The following AGBL4 variants were observed in gnomAD, a reference collection of about 807,000 sequenced individuals.
AGBL4 encodes cytosolic carboxypeptidase 6.
Under a neutral mutation model 66.4 loss-of-function variants are expected in AGBL4, and 58 were observed. The ratio of observed to expected loss-of-function variants is 0.87; its 90% CI spans 0.71 to 1.09. The LOEUF (loss-of-function observed/expected upper bound fraction) is 1.09. AGBL4 is among the 50% of genes least tolerant of loss of function. The pLI, the probability that AGBL4 is intolerant of heterozygous loss-of-function variation, is 0.00. For synonymous variants in AGBL4, 234 were observed against 222.9 expected, an observed-to-expected ratio of 1.05 and a Z score of -0.44; for missense variants, 579 against 631.0, an observed-to-expected ratio of 0.92 and a Z score of 0.88.
chr1:49,302,600 A>G (rs968047448), intron 3 of AGBL4, among the ~76,000 whole-genome samples: 1 of 126,206 alleles, frequency 7.9e-6, no homozygotes, highest in Non-Finnish European at 1.8e-5. Flanking sequence ...TTTATATTTT[A>G]TTTTATTTTT....
chr1:48,739,343 C>T (rs1649557411), intron 6 of AGBL4, among the ~76,000 whole-genome samples: 1 of 152,226 alleles, frequency 6.6e-6, no homozygotes, highest in African/African-American at 2.4e-5. Context: ...GGTAAATCCT[C>T]TGGAATTTTG....
At chr1:49,968,809 G>A (rs1280636886) in intron 1 of AGBL4, among the ~76,000 whole-genome samples, 1 of 152,168 alleles carries the variant, frequency 6.6e-6, no homozygotes, top group Non-Finnish European at 1.5e-5. Flanking sequence ...TGGCATGAAG[G>A]CCAGCATAGC....
intron 4 of AGBL4, among the ~76,000 whole-genome samples, chr1:49,137,279 A>G (rs1009944941): frequency 6.6e-6 from 1 of 152,160 alleles, no homozygotes; most frequent in Non-Finnish European, 1.5e-5. Flanking sequence ...TTAACATGAC[A>G]CAAAACCATT....
At chr1:49,944,818 A>C (rs969629202) in intron 1 of AGBL4, among the ~76,000 whole-genome samples, 2 of 152,068 alleles carry the variant, frequency 1.3e-5, no homozygotes, top group Non-Finnish European at 2.9e-5. Context: ...AAACAATCAT[A>C]CAAGAAATGA....
At chr1:49,060,174 A>G (rs1322909815) in intron 4 of AGBL4, among the ~76,000 whole-genome samples, 1 of 152,028 alleles carries the variant, frequency 6.6e-6, no homozygotes, top group Non-Finnish European at 1.5e-5. Flanking sequence ...TGTGCAAGGG[A>G]CCCTGTGGTA....
At chr1:49,361,043 C>A (rs1557869358) in intron 3 of AGBL4, among the ~76,000 whole-genome samples, 1 of 152,074 alleles carries the variant, frequency 6.6e-6, no homozygotes, top group Admixed American at 6.5e-5. Flanking sequence ...GGTGATCTGC[C>A]CACCTCAGCC....
At chr1:49,404,313 G>A (rs1051235581) in intron 3 of AGBL4, among the ~76,000 whole-genome samples, 1 of 152,192 alleles carries the variant, frequency 6.6e-6, no homozygotes, top group Admixed American at 6.5e-5. Context: ...AAGACCACAT[G>A]AGAACATAGG....
intron 1 of AGBL4, among the ~76,000 whole-genome samples, chr1:49,943,393 A>G (rs1654939431): frequency 1.3e-5 from 2 of 152,236 alleles, no homozygotes; most frequent in East Asian, 1.9e-4. Context: ...AAGAGAACCC[A>G]CCAACCCTCT....
At chr1:49,755,028 C>G (rs1483116329) in intron 2 of AGBL4, among the ~76,000 whole-genome samples, 1 of 152,110 alleles carries the variant, frequency 6.6e-6, no homozygotes, top group Non-Finnish European at 1.5e-5. Flanking sequence ...TTACTCCAAG[C>G]CTAATAATTT....
At chr1:50,012,934 T>C (rs1661663117) in intron 1 of AGBL4, among the ~76,000 whole-genome samples, 1 of 152,220 alleles carries the variant, frequency 6.6e-6, no homozygotes, top group South Asian at 2.1e-4. Context: ...TGCCCTGGTT[T>C]GTTTCCACCA....
intron 2 of AGBL4, among the ~76,000 whole-genome samples, chr1:49,706,534 A>ATC (rs1647229124): frequency 6.6e-6 from 1 of 150,760 alleles, no homozygotes. Context: ...AGGGTTTTTC[A>ATC]TCTCTATCTC....
chr1:48,794,306 G>T (rs983921904), intron 6 of AGBL4, among the ~76,000 whole-genome samples: 2 of 152,050 alleles, frequency 1.3e-5, no homozygotes, highest in Non-Finnish European at 2.9e-5. Context: ...TCTTTGGCAG[G>T]CTCCTTCCTA....
At chr1:49,539,982 A>C (rs1283667295) in intron 3 of AGBL4, among the ~76,000 whole-genome samples, 1 of 152,212 alleles carries the variant, frequency 6.6e-6, no homozygotes, top group African/African-American at 2.4e-5. Context: ...TGGTTAAAAA[A>C]ATTAAGGGCA....
chr1:49,819,482 A>T (rs892869617), intron 2 of AGBL4, among the ~76,000 whole-genome samples: 1 of 152,208 alleles, frequency 6.6e-6, no homozygotes. Flanking sequence ...GAGATCACAC[A>T]TTCAGAGAAG....
At chr1:49,249,079 G>A (rs148091726) in intron 3 of AGBL4, among the ~76,000 whole-genome samples, 1 of 152,294 alleles carries the variant, frequency 6.6e-6, no homozygotes, top group Non-Finnish European at 1.5e-5. Context: ...GTGGTCCAAT[G>A]TGGGTAAAGG....
intron 6 of AGBL4, among the ~76,000 whole-genome samples, chr1:48,677,778 A>T (rs1051479974): frequency 6.6e-6 from 1 of 152,242 alleles, no homozygotes; most frequent in Non-Finnish European, 1.5e-5. Flanking sequence ...CCCCTAGAAC[A>T]GTGCAAGCCA....
rs938052698 is a variant in AGBL4, at chr1:49,851,393, T to TA, written c.157+2dup. 4 of 1,546,638 alleles carry TA rather than the reference T, an allele frequency of 2.6e-6. No homozygotes were observed. The African/African-American group carries it at 4.1e-5, about 16-fold the overall frequency. On this transcript the variant is annotated splice_region_variant and intron_variant, in intron 2 of 13. Coordinates refer to ENST00000371839, the MANE Select transcript of AGBL4 (RefSeq NM_032785.4). ...TAAAAGGAAAAGCCTTTAATATACT[T>TA]ACCACTTTCAAAGCAAGCATCAAAG...
chr1:49,354,367 G>GT (rs1447827443), intron 3 of AGBL4, among the ~76,000 whole-genome samples: 1 of 152,164 alleles, frequency 6.6e-6, no homozygotes, highest in East Asian at 1.9e-4. Context: ...TTATTGAAAG[G>GT]TTTTCTCATT....
intron 3 of AGBL4, among the ~76,000 whole-genome samples, chr1:49,438,733 A>G (rs1645960117): frequency 6.6e-6 from 1 of 152,228 alleles, no homozygotes; most frequent in Non-Finnish European, 1.5e-5. Context: ...GTATAGAAAG[A>G]CAAATAAAAA....
Sources: gnomAD v4.1 joint callset for allele counts (sites outside exome capture counted in the v4.1 genomes callset) on GRCh38, gnomAD v4.1.1 for gene constraint, MANE v1.5 for transcripts, NCBI Gene and HGNC (gene_info 2026-07-23, HGNC 2026-07-21) for gene names.